USP40: variants seen among roughly 807,000 people sequenced by gnomAD.
The protein encoded by USP40 is ubiquitin specific peptidase 40.
USP40 carries 143 observed loss-of-function variants against 166.2 expected under a neutral mutation model. The observed-to-expected ratio is 0.86, with a 90% CI of 0.75 to 0.99. The LOEUF (loss-of-function observed/expected upper bound fraction) is 0.99. Among genes scored for constraint, USP40 ranks in the 50% least tolerant of loss-of-function variants. The probability of loss-of-function intolerance (pLI) is 0.00; values close to 1 mark genes in which losing one functional copy is unlikely to be tolerated. For synonymous variants in USP40, 498 were observed against 524.0 expected (o/e 0.95, Z 0.68); for missense variants, 1,444 against 1,479.7 (o/e 0.98, Z 0.40).
At chr2:233,490,317 C>A (rs550998392) in intron 26 of USP40, among the ~76,000 whole-genome samples, 2 of 151,616 alleles carry the variant, frequency 1.3e-5, no homozygotes, top group African/African-American at 4.8e-5. Context: ...TGCCTGCCAC[C>A]GTGCCAGGTG....
intron 12 of USP40, among the ~76,000 whole-genome samples, chr2:233,528,721 C>T (rs2068251481): frequency 1.3e-5 from 2 of 151,742 alleles, no homozygotes; most frequent in Non-Finnish European, 2.9e-5. Context: ...ACTTTTTTCC[C>T]CCAGCTCCAA....
intron 12 of USP40, among the ~76,000 whole-genome samples, chr2:233,528,980 T>C (rs2068275893): frequency 6.6e-6 from 1 of 152,324 alleles, no homozygotes; most frequent in South Asian, 2.1e-4. Flanking sequence ...TTGCATTCAA[T>C]AGGTTATAGC....
At chr2:233,499,778 CA>C (rs2065956088) in intron 22 of USP40, 100 bp downstream of exon 22, 1 of 906,258 alleles carries the variant, frequency 1.1e-6, no homozygotes, top group Non-Finnish European at 1.7e-6. Context: ...TATTTCTCCA[CA>C]CCCTATAAAT....
Position 233,549,101 on chromosome 2 carries a change from T to C in USP40, c.966A>G (p.Gln322=). Residue 322 remains glutamine, a splice_region_variant and synonymous_variant, in exon 8 of 32, where the codon CAA becomes CAG. Transcript: ENST00000678225. ...DVDHLGNWQF[Q]EEKSKPDVNL... ...TTTCTAAACGAATTTCTATACGTAC[T>C]TGAAACTGCCAGTTTCCCAAATGAT... 6.3e-7 allele frequency: 1 copy of C among 1,593,598 alleles called. No individual in the cohort carries two copies. The highest frequency in any genetic ancestry group is 8.5e-7 in the Non-Finnish European group (1 of 1,171,816).
In USP40 at chr2:233,477,237, C is replaced by A; in HGVS notation, c.*155G>T. 1.4e-6 allele frequency: 1 copy of A among 717,356 alleles called. No individual in the cohort carries two copies. Among genetic ancestry groups the A allele is most frequent in the Non-Finnish European group, 2.4e-6 (1 of 412,078 alleles). The allele number at this position is 717,356 out of a possible 1,614,324, so 44.4% of individuals were successfully genotyped here. On this transcript the variant is annotated 3_prime_UTR_variant, in exon 32 of 32. Coordinates refer to ENST00000678225, the MANE Select transcript of USP40 (RefSeq NM_001365479.2). ...TGTTGCAGAGCTAAGTGACTACATG[C>A]ACTGGCCAGGCCTCAGAGGAGCCGT... is the stretch of plus-strand genomic sequence containing the variant.
In USP40 at chr2:233,555,423, A is replaced by C. The variant is rs116497882; in HGVS notation, c.547-897T>G. On this transcript the variant is annotated intron_variant, in intron 5 of 31. Transcript: ENST00000678225. The stretch of plus-strand genomic sequence containing the variant: ...GGGGAATGAAAATAGGGCACTTGTT[A>C]ACTCATGGTGAAGATTTCAAGTACC... Among the ~76,000 whole-genome samples the C allele has an allele frequency of 5.7e-3, 872 of 152,304 alleles. 10 individuals are homozygous for C. The highest frequency in any genetic ancestry group is 0.02 in the African/African-American group (815 of 41,556).
intron 22 of USP40, among the ~76,000 whole-genome samples, chr2:233,498,995 G>T (rs141376719): frequency 6.6e-6 from 1 of 152,110 alleles, no homozygotes; most frequent in African/African-American, 2.4e-5. Flanking sequence ...ACATCTTAGC[G>T]TTCTTTTTAT....
At chr2:233,543,884 G>A (rs2069656793) in intron 8 of USP40, among the ~76,000 whole-genome samples, 1 of 152,260 alleles carries the variant, frequency 6.6e-6, no homozygotes. Flanking sequence ...GAGTTGGGGA[G>A]AGAAAGCCTA....
In USP40 at chr2:233,523,355, T is replaced by G; in HGVS notation, c.2016A>C (p.Ala672=). The G allele has an allele frequency of 6.2e-7, 1 of 1,614,046 alleles. No individual in the cohort carries two copies. Among genetic ancestry groups the G allele is most frequent in the Non-Finnish European group, 8.5e-7 (1 of 1,179,894 alleles). Residue 672 remains alanine, a synonymous_variant, in exon 16 of 32, where the codon GCA becomes GCC. Transcript: ENST00000678225. ...IESPHVFPAN[A]EVGTVLTALA... is the part of the protein sequence containing the mutation. The stretch of plus-strand genomic sequence containing the variant: ...AGGCTGTGAGGACAGTGCCCACTTC[T>G]GCATTAGCTGGAAAGACATGTGGAG...
At chr2:233,504,431 G>A (rs928953163) in intron 21 of USP40, among the ~76,000 whole-genome samples, 12 of 151,998 alleles carry the variant, frequency 7.9e-5, no homozygotes, top group African/African-American at 2.9e-4. Context: ...TAGACTGAAA[G>A]TGAAGGGATG....
chr2:233,554,960 T>G (rs967745505), intron 5 of USP40, among the ~76,000 whole-genome samples: 2 of 152,076 alleles, frequency 1.3e-5, no homozygotes, highest in African/African-American at 4.8e-5. Context: ...TAAGATATAC[T>G]AAAGAAGTTA....
chr2:233,543,011 T>C (rs896276983), intron 8 of USP40, among the ~76,000 whole-genome samples: 1 of 152,370 alleles, frequency 6.6e-6, no homozygotes, highest in Admixed American at 6.5e-5. Flanking sequence ...TGTGTTGACC[T>C]AAGGAAATTC....
At chr2:233,561,057 T>C in intron 3 of USP40, 1 of 1,297,286 alleles carries the variant, frequency 7.7e-7, no homozygotes, top group Non-Finnish European at 1.1e-6. Context: ...GCATATTTGA[T>C]AATTAATAAA....
Position 233,554,434 on chromosome 2 carries a change from A to G in USP40, c.639T>C (p.Asp213=). The G allele has an allele frequency of 6.2e-7, 1 of 1,613,350 alleles. No homozygotes were observed. The highest frequency in any genetic ancestry group is 8.5e-7 in the Non-Finnish European group (1 of 1,179,650). The change falls in exon 6 of 32, where the codon GAT becomes GAC. Residue 213 remains aspartate (D), a synonymous_variant. Coordinates refer to ENST00000678225, the MANE Select transcript of USP40 (RefSeq NM_001365479.2). ...TTCCACAGTGGTACAAGTTGTCACA[A>G]TCAAAAACTTCCTCTTCTACATACA... ...WNMYVEEEVF[D]CDNLYHCGTC...
chr2:233,527,282 G>C, intron 13 of USP40, 125 bp downstream of exon 13: 1 of 1,074,314 alleles, frequency 9.3e-7, no homozygotes, highest in Non-Finnish European at 1.3e-6. Context: ...TCTATGAAGT[G>C]GCAGATGTCA....
intron 21 of USP40, among the ~76,000 whole-genome samples, chr2:233,505,108 GA>G (rs1300470099): frequency 1.3e-4 from 20 of 152,154 alleles, no homozygotes; most frequent in African/African-American, 4.3e-4. Flanking sequence ...ATAAGTCAAT[GA>G]AGAAAGTAAG....
At chr2:233,558,498 G>C (rs1313540402) in intron 4 of USP40, among the ~76,000 whole-genome samples, 2 of 152,148 alleles carry the variant, frequency 1.3e-5, no homozygotes, top group African/African-American at 4.8e-5. Flanking sequence ...TTAAGTGAAA[G>C]AAGACTGTTA....
Position 233,481,309 on chromosome 2 carries a change from A to C in USP40, c.3505-12T>G. 2 of 1,583,142 alleles carry C rather than the reference A, an allele frequency of 1.3e-6. No individual in the cohort carries two copies. The highest frequency in any genetic ancestry group is 1.7e-6 in the Non-Finnish European group (2 of 1,162,616). On this transcript the variant is annotated splice_polypyrimidine_tract_variant and intron_variant, in intron 30 of 31. Transcript: ENST00000678225. The stretch of plus-strand genomic sequence containing the variant: ...TCAATCAGGAGATTCTACATTTCAA[A>C]AGAAGTAATGAGCAGTGTTTTCTGA...
At chr2:233,481,592 A>G (rs532849566) in intron 30 of USP40, 123 of 420,848 alleles carry the variant, frequency 2.9e-4, no homozygotes, top group African/African-American at 2.4e-3. Flanking sequence ...ACCAGGCAAC[A>G]TGAAGACAGA....
Sources: gnomAD v4.1 joint callset for allele counts (sites outside exome capture counted in the v4.1 genomes callset) on GRCh38, gnomAD v4.1.1 for gene constraint, MANE v1.5 for transcripts, NCBI Gene and HGNC (gene_info 2026-07-23, HGNC 2026-07-21) for gene names.